AOX1: variants seen among roughly 807,000 people sequenced by gnomAD.
AOX1 encodes aldehyde oxidase.
In AOX1, 153 loss-of-function variants were observed where a neutral mutation model predicts 169.5. That is an observed-to-expected ratio of 0.90 (90% CI 0.79 to 1.03). The LOEUF (loss-of-function observed/expected upper bound fraction) is 1.03, where lower values mean the gene tolerates loss of function less well. AOX1 is among the 50% of genes least tolerant of loss of function. The pLI is 0.00. For synonymous variants in AOX1, 562 were observed against 581.9 expected, an observed-to-expected ratio of 0.97 and a Z score of 0.49; for missense variants, 1,656 against 1,663.9, an observed-to-expected ratio of 1.00 and a Z score of 0.08.
At chr2:200,612,984 G>A (rs1301436710) in intron 14 of AOX1, among the ~76,000 whole-genome samples, 191 bp downstream of exon 14, 1 of 149,814 alleles carries the variant, frequency 6.7e-6, no homozygotes, top group African/African-American at 2.5e-5. Context: ...TCTGAAGTGG[G>A]AATTATATAC....
rs753703328 is a variant in AOX1, at chr2:200,605,520, T to C, written c.815-16T>C. On this transcript the variant is annotated splice_polypyrimidine_tract_variant and intron_variant, in intron 9 of 34. Coordinates refer to ENST00000374700, the MANE Select transcript of AOX1 (RefSeq NM_001159.4). ...ATTCTAGTCTTATTGATTTTTTTTT[T>C]TTTTTGATCCTTTAGGGCCTGAAGT... is the stretch of plus-strand genomic sequence containing the variant. 4 of 1,440,860 alleles carry C rather than the reference T, an allele frequency of 2.8e-6. 1 individual carries two copies. The highest frequency in any genetic ancestry group is 3.7e-6 in the Non-Finnish European group (4 of 1,072,696). The allele number at this position is 1,440,860 out of a possible 1,614,324, so 89.3% of individuals were successfully genotyped here. A position where few individuals can be genotyped will look rare whatever the true frequency, so the allele number is the denominator to read the frequency against.
At chr2:200,591,750 C>T (rs758161599) in intron 1 of AOX1, among the ~76,000 whole-genome samples, 7 of 152,064 alleles carry the variant, frequency 4.6e-5, no homozygotes, top group Non-Finnish European at 7.4e-5. Context: ...ATACATGAGA[C>T]GATCAGGCTT....
chr2:200,628,925 TCAAACAAACAAACAAA>T (rs201174501), intron 20 of AOX1, among the ~76,000 whole-genome samples: 3 of 151,872 alleles, frequency 2.0e-5, no homozygotes, highest in African/African-American at 7.3e-5. Context: ...AGACTCCATC[TCAAACAAACAAACAAA>T]CAAACAAACA....
intron 12 of AOX1, among the ~76,000 whole-genome samples, chr2:200,610,946 C>T (rs1004918268): frequency 5.9e-5 from 9 of 152,094 alleles, no homozygotes; most frequent in South Asian, 2.1e-4. Flanking sequence ...CTCTCCCTCC[C>T]GGGTTCAAGT....
Position 200,605,571 on chromosome 2 carries a change from G to C in AOX1, c.850G>C (p.Val284Leu). 1.3e-6 allele frequency: 2 copies of C among 1,562,278 alleles called. No homozygotes were observed. Among genetic ancestry groups the C allele is most frequent in the South Asian group, 1.2e-5 (1 of 80,774 alleles). Residue 284 changes from valine (V) to leucine (L), a missense_variant, in exon 10 of 35, where the codon GTT (valine) becomes CTT (leucine). Coordinates refer to ENST00000374700, the MANE Select transcript of AOX1 (RefSeq NM_001159.4). ...GAAATTTAAAGGCGTCTTTCACCCA[G>C]TTATAATTTCTCCTGATAGAATTGA... ...EVKFKGVFHP[V>L]IISPDRIEEL...
chr2:200,638,561 T>C (rs2035288081), intron 23 of AOX1, among the ~76,000 whole-genome samples: 1 of 152,170 alleles, frequency 6.6e-6, no homozygotes, highest in Non-Finnish European at 1.5e-5. Flanking sequence ...ACAGAGCAAA[T>C]AACTAGAAAA....
chr2:200,660,380 G>C (rs115658021), intron 29 of AOX1, among the ~76,000 whole-genome samples: 3,973 of 152,232 alleles, frequency 0.026, 65 homozygotes, highest in Middle Eastern at 0.054. Context: ...GATAATAACT[G>C]TACATCTGTT....
intron 20 of AOX1, among the ~76,000 whole-genome samples, chr2:200,630,548 GAGGAAGGAAGGAAGGAAGGAAGGAAGGA>G (rs67400406): frequency 0.034 from 4,136 of 120,604 alleles, 108 homozygotes; most frequent in African/African-American, 0.077. Context: ...GGAAGGAAGG[GAGGAAGGAAGGAAGGAAGGAAGGAAGGA>G]AGGAAGGAAG....
intron 16 of AOX1, among the ~76,000 whole-genome samples, chr2:200,616,558 T>G (rs1296101930): frequency 1.3e-5 from 2 of 152,256 alleles, no homozygotes; most frequent in African/African-American, 2.4e-5. Flanking sequence ...GTCTCTATTC[T>G]TCTAGTGATT....
chr2:200,587,240 A>G (rs567138010), intron 1 of AOX1, among the ~76,000 whole-genome samples: 16 of 152,248 alleles, frequency 1.1e-4, no homozygotes, highest in South Asian at 6.2e-4. Flanking sequence ...GTGAGCTGTG[A>G]TCACACCACT....
intron 3 of AOX1, among the ~76,000 whole-genome samples, chr2:200,596,516 G>T (rs762932254): frequency 2.6e-5 from 4 of 152,178 alleles, no homozygotes; most frequent in Non-Finnish European, 5.9e-5. Flanking sequence ...ACTACCCCCG[G>T]CACTCAGTGA....
At chr2:200,606,070 C>G (rs2034508342) in intron 10 of AOX1, among the ~76,000 whole-genome samples, 1 of 152,086 alleles carries the variant, frequency 6.6e-6, no homozygotes, top group South Asian at 2.1e-4. Flanking sequence ...ATGCCTATGT[C>G]CTGAATGGTA....
intron 2 of AOX1, among the ~76,000 whole-genome samples, chr2:200,594,057 T>C (rs993759288): frequency 1.3e-5 from 2 of 152,102 alleles, no homozygotes; most frequent in African/African-American, 4.8e-5. Flanking sequence ...AAAAATGAGA[T>C]TAAATGTGCC....
chr2:200,651,801 G>T (rs1211398319), intron 26 of AOX1, among the ~76,000 whole-genome samples: 1 of 152,150 alleles, frequency 6.6e-6, no homozygotes, highest in Non-Finnish European at 1.5e-5. Context: ...AAATCCCCTT[G>T]CTTGGTTGCA....
chr2:200,601,772 A>T (rs1018149026), intron 5 of AOX1, among the ~76,000 whole-genome samples: 2 of 151,982 alleles, frequency 1.3e-5, no homozygotes, highest in Non-Finnish European at 2.9e-5. Context: ...ATCTGTACTA[A>T]AAATACAAAA....
At chr2:200,681,235 AC>A (rs2036150220), downstream of AOX1, 2 of 152,416 alleles carry the variant, frequency 1.3e-5, no homozygotes, top group African/African-American at 4.8e-5. Flanking sequence ...CAATCATGGC[AC>A]TTCCAGCTGC....
downstream of AOX1, chr2:200,681,487 G>C (rs934039306): frequency 1.3e-5 from 2 of 152,694 alleles, no homozygotes; most frequent in African/African-American, 4.8e-5. Flanking sequence ...GAAATCTTGA[G>C]TGGTAAGTCT....
chr2:200,660,044 A>G lies in AOX1; in HGVS notation c.3350A>G (p.Asn1117Ser). ...LKRLEPIISK[N>S]PKGTWKDWAQ... Reference sequence around the variant, plus strand: ...CGCCTCGAACCCATCATCAGCAAGAATCCTAAAGGAACTTGGAAAGACTGG... The same window carrying G: ...CGCCTCGAACCCATCATCAGCAAGAGTCCTAAAGGAACTTGGAAAGACTGG... The change falls in exon 29 of 35, where the codon AAT (asparagine) becomes AGT (serine). Residue 1117 changes from asparagine (N) to serine (S), a missense_variant. Physicochemically the swap from Asn to Ser is conservative, Grantham distance 46. Transcript: ENST00000374700. The G allele has an allele frequency of 3.1e-6, 5 of 1,613,970 alleles. No homozygotes were observed. The highest frequency in any genetic ancestry group is 4.2e-6 in the Non-Finnish European group (5 of 1,179,880).
rs779056421 is a variant in AOX1 at position 200,597,463 on chromosome 2, A to G, written c.267A>G (p.Val89=). 1.2e-6 allele frequency: 2 copies of G among 1,612,770 alleles called. No individual in the cohort carries two copies. Among genetic ancestry groups the G allele is most frequent in the Non-Finnish European group, 1.7e-6 (2 of 1,179,426 alleles). Residue 89 remains valine, a synonymous_variant, in exon 4 of 35, where the codon GTA becomes GTG. Coordinates refer to ENST00000374700, the MANE Select transcript of AOX1 (RefSeq NM_001159.4). ...CSLYGAAVTT[V]EGIGSTHTRI... ...TGTATGGTGCTGCCGTCACCACAGT[A>G]GAAGGCATAGGAAGCACCCACACCA...
Sources: gnomAD v4.1 joint callset for allele counts (sites outside exome capture counted in the v4.1 genomes callset) on GRCh38, gnomAD v4.1.1 for gene constraint, MANE v1.5 for transcripts, NCBI Gene and HGNC (gene_info 2026-07-23, HGNC 2026-07-21) for gene names.